Variants in MEIS2 observed in about 807,000 individuals in gnomAD.
MEIS2 encodes Meis homeobox 2, also known as homeobox protein Meis2.
MEIS2 carries 9 observed loss-of-function variants against 58.6 expected under a neutral mutation model. That is an observed-to-expected ratio of 0.15 (90% confidence interval 0.09 to 0.27). The LOEUF (loss-of-function observed/expected upper bound fraction) is 0.27. MEIS2 is among the 10% of genes least tolerant of loss of function. The probability of loss-of-function intolerance (pLI) is 1.00; values close to 1 mark genes in which losing one functional copy is unlikely to be tolerated. For synonymous variants in MEIS2, 221 were observed against 228.4 expected (o/e 0.97, Z 0.29); for missense variants, 427 against 635.0 (o/e 0.67, Z 3.52).
intron 11 of MEIS2, among the ~76,000 whole-genome samples, chr15:36,892,800 T>C (rs1219072110): frequency 1.3e-5 from 2 of 152,246 alleles, no homozygotes; most frequent in Non-Finnish European, 2.9e-5. Context: ...TAACTGTTGA[T>C]AGATCATTTA....
chr15:37,078,168 G>A (rs1037723466), intron 7 of MEIS2, among the ~76,000 whole-genome samples: 1 of 151,862 alleles, frequency 6.6e-6, no homozygotes, highest in South Asian at 2.1e-4. Flanking sequence ...CGGCTGACTC[G>A]TACCTGACAA....
At chr15:36,892,901 T>A (rs1174875176) in intron 11 of MEIS2, among the ~76,000 whole-genome samples, 1 of 152,198 alleles carries the variant, frequency 6.6e-6, no homozygotes, top group Non-Finnish European at 1.5e-5. Flanking sequence ...TATTTCCTCA[T>A]GAAAAATTTA....
At chr15:37,098,259 G>T in intron 1 of MEIS2, 60 bp from the exon 2 acceptor site, 1 of 1,478,552 alleles carries the variant, frequency 6.8e-7, no homozygotes, top group Non-Finnish European at 9.0e-7. Flanking sequence ...GAGGAGGGGG[G>T]TGGAAAGGGA....
intron 7 of MEIS2, chr15:37,066,678 G>A (rs1486220595): frequency 1.3e-5 from 2 of 152,216 alleles, no homozygotes; most frequent in East Asian, 3.8e-4. Flanking sequence ...GATACAGCAT[G>A]CTAGAGTTGG....
chr15:36,891,030 A>G lies in MEIS2; in HGVS notation c.*1143T>C, dbSNP rs895366581. 6.6e-6 allele frequency: 1 copy of G among 152,424 alleles called. No individual in the cohort carries two copies. The highest frequency in any genetic ancestry group is 6.6e-5 in the Admixed American group (1 of 15,260). 9.4% of individuals were successfully genotyped at this position (152,424 alleles called of 1,614,324 possible). A position where few individuals can be genotyped will look rare whatever the true frequency, so the allele number is the denominator to read the frequency against. Reference sequence around the variant, plus strand: ...TAAAAACGCAAAAGCCTAACAAAAAATCAAAAATGAAATATTTATTACCGC... The same window carrying G: ...TAAAAACGCAAAAGCCTAACAAAAAGTCAAAAATGAAATATTTATTACCGC... On this transcript the variant is annotated 3_prime_UTR_variant, in exon 12 of 12. Transcript: ENST00000561208.
intron 11 of MEIS2, 145 bp downstream of exon 11, chr15:36,895,006 C>T: frequency 2.2e-6 from 2 of 894,512 alleles, no homozygotes. Context: ...ATTTTTTCCC[C>T]CACCCAATGT....
intron 5 of MEIS2, 48 bp from the exon 6 acceptor site, chr15:37,093,778 G>T (rs112829960): frequency 8.7e-6 from 14 of 1,600,534 alleles, no homozygotes; most frequent in Non-Finnish European, 1.2e-5. Context: ...TGTTGTTGTT[G>T]TTGTTTTGTT....
chr15:36,990,468 T>C (rs2060235359), intron 8 of MEIS2, among the ~76,000 whole-genome samples: 1 of 152,222 alleles, frequency 6.6e-6, no homozygotes, highest in East Asian at 1.9e-4. Flanking sequence ...GAATGGAGTC[T>C]CTTGTTCACT....
At chr15:37,082,868 C>T (rs1016037237) in intron 7 of MEIS2, among the ~76,000 whole-genome samples, 4 of 151,840 alleles carry the variant, frequency 2.6e-5, no homozygotes, top group African/African-American at 4.8e-5. Context: ...AACTACAGCT[C>T]GAGCTGTTAA....
At chr15:37,027,827 G>A (rs1363557050) in intron 8 of MEIS2, among the ~76,000 whole-genome samples, 2 of 151,700 alleles carry the variant, frequency 1.3e-5, no homozygotes, top group East Asian at 3.9e-4. Flanking sequence ...CTGAGAGGAA[G>A]GTACAGAGAT....
At position 37,095,684 on chromosome 15, in the gene MEIS2, G is replaced by C. The variant is rs370667665; in HGVS notation, c.388-70C>G. 2.5e-4 allele frequency: 409 copies of C among 1,610,412 alleles called. 3 individuals carry two copies. In the South Asian group the frequency reaches 4.3e-3, roughly 17 times the overall value. On this transcript the variant is annotated intron_variant, in intron 3 of 11. Coordinates refer to ENST00000561208, the MANE Select transcript of MEIS2 (RefSeq NM_170675.5). ...ATAAGAAAGCTGAAATGTGAGAATG[G>C]GTACGGTGGAGGGCAATGGCGGAGA... is the stretch of plus-strand genomic sequence containing the variant.
chr15:37,011,764 C>T (rs998418475), intron 8 of MEIS2, among the ~76,000 whole-genome samples: 3 of 151,666 alleles, frequency 2.0e-5, no homozygotes, highest in African/African-American at 7.3e-5. Flanking sequence ...GGATTACAGG[C>T]GTGTACCACC....
intron 8 of MEIS2, among the ~76,000 whole-genome samples, chr15:37,001,412 C>T (rs1393671326): frequency 6.6e-6 from 1 of 152,164 alleles, no homozygotes; most frequent in African/African-American, 2.4e-5. Flanking sequence ...GGTACATGCT[C>T]ATATACTGGA....
chr15:37,069,732 G>A (rs920795292), intron 7 of MEIS2, among the ~76,000 whole-genome samples: 2 of 152,098 alleles, frequency 1.3e-5, no homozygotes, highest in African/African-American at 4.8e-5. Flanking sequence ...GAGAGTCAGC[G>A]AAAAATTTAT....
intron 8 of MEIS2, among the ~76,000 whole-genome samples, chr15:36,992,028 C>T (rs987374503): frequency 1.4e-5 from 2 of 145,668 alleles, no homozygotes; most frequent in Non-Finnish European, 1.5e-5. Context: ...ACCTCGTGAT[C>T]CGCCCGCCTC....
At chr15:37,089,604 A>T (rs1297063792) in intron 6 of MEIS2, among the ~76,000 whole-genome samples, 1 of 152,184 alleles carries the variant, frequency 6.6e-6, no homozygotes, top group Non-Finnish European at 1.5e-5. Flanking sequence ...AGGCAATTTT[A>T]AGGTATCTGC....
Position 36,895,233 on chromosome 15 carries a change from T to G in MEIS2, c.1065A>C (p.Gln355His). 6.2e-7 allele frequency: 1 copy of G among 1,614,174 alleles called. No individual in the cohort carries two copies. Among genetic ancestry groups the G allele is most frequent in the African/African-American group, 1.3e-5 (1 of 75,062 alleles). Residue 355 changes from glutamine (Q) to histidine (H), a missense_variant, in exon 11 of 12, where the codon CAA becomes CAC. Gln to His is a conservative substitution (Grantham distance 24). This residue lies in a region of MEIS2 where 19 missense variants were observed against 37.3 expected (regional missense o/e 0.51). Coordinates refer to ENST00000561208, the MANE Select transcript of MEIS2 (RefSeq NM_170675.5). Reference protein sequence around the residue: ...AGFLLDPSVSQGAAYSPEGQP... With the variant: ...AGFLLDPSVSHGAAYSPEGQP... ...GACCCTCTGGACTATATGCTGCTCC[T>G]TGGCTCACTGAAGGATCAAGAAGAA...
At chr15:37,014,576 C>A (rs1294919343) in intron 8 of MEIS2, among the ~76,000 whole-genome samples, 2 of 152,162 alleles carry the variant, frequency 1.3e-5, no homozygotes, top group Non-Finnish European at 1.5e-5. Flanking sequence ...TTGATTTGAA[C>A]TTAATTCTGG....
intron 9 of MEIS2, among the ~76,000 whole-genome samples, chr15:36,943,390 T>G (rs1420389224): frequency 6.6e-6 from 1 of 152,152 alleles, no homozygotes; most frequent in Non-Finnish European, 1.5e-5. Flanking sequence ...CTGGAGTTTA[T>G]TGTCTCCATC....
Sources: gnomAD v4.1 joint callset for allele counts (sites outside exome capture counted in the v4.1 genomes callset) on GRCh38, gnomAD v4.1.1 for gene constraint, gnomAD v4.1.1 regional missense constraint, MANE v1.5 for transcripts, NCBI Gene and HGNC (gene_info 2026-07-23, HGNC 2026-07-21) for gene names.